The following TMC2 variants were observed in gnomAD, a reference collection of about 807,000 sequenced individuals.
TMC2 encodes the protein transmembrane channel-like protein 2.
Under a neutral mutation model 105.9 loss-of-function variants are expected in TMC2, and 102 were observed. The observed-to-expected ratio is 0.96, with a 90% CI of 0.82 to 1.14. The LOEUF (loss-of-function observed/expected upper bound fraction) is 1.14. Among genes scored for constraint, TMC2 ranks in the 50% most tolerant of loss-of-function variants. The probability of loss-of-function intolerance (pLI) is 0.00; values close to 1 mark genes in which losing one functional copy is unlikely to be tolerated. For missense variants in TMC2, 1,093 were observed against 1,134.3 expected, an observed-to-expected ratio of 0.96 and a Z score of 0.52; for synonymous variants, 402 against 422.8, an observed-to-expected ratio of 0.95 and a Z score of 0.60.
intron 10 of TMC2, among the ~76,000 whole-genome samples, chr20:2,600,779 G>T (rs999189630): frequency 2.7e-5 from 4 of 150,028 alleles, no homozygotes; most frequent in African/African-American, 9.8e-5. Context: ...AGCCGAGATT[G>T]TGCCACTGCA....
chr20:2,619,765 C>T (rs541885304), intron 16 of TMC2, among the ~76,000 whole-genome samples: 1 of 152,294 alleles, frequency 6.6e-6, no homozygotes, highest in East Asian at 1.9e-4. Context: ...TTGGCTTCTT[C>T]CTAAGCAAGG....
intron 3 of TMC2, among the ~76,000 whole-genome samples, chr20:2,560,832 A>C (rs2086021232): frequency 1.0e-5 from 1 of 100,080 alleles, no homozygotes. Flanking sequence ...GCAAGACTCC[A>C]TCTCAAAAAA....
At chr20:2,571,709 C>G (rs1568509288) in intron 4 of TMC2, among the ~76,000 whole-genome samples, 1 of 152,110 alleles carries the variant, frequency 6.6e-6, no homozygotes, top group Non-Finnish European at 1.5e-5. Flanking sequence ...ATTTTAAAAT[C>G]AATAATCTTG....
chr20:2,558,510 C>T lies in TMC2; in HGVS notation c.137C>T (p.Thr46Ile), dbSNP rs1165340874. The T allele has an allele frequency of 6.4e-7, 1 of 1,557,990 alleles. No homozygotes were observed. Among genetic ancestry groups the T allele is most frequent in the Non-Finnish European group, 8.7e-7 (1 of 1,151,016 alleles). Residue 46 changes from threonine to isoleucine, a missense_variant, in exon 3 of 20, where the codon ACC (threonine) becomes ATC (isoleucine). Transcript: ENST00000358864. This position sits in a 1 kb window ranked among gnomAD's most constrained non-coding sequence, Gnocchi z 4.6. ...SSKRALKAEG[T>I]PGRRGAQRSQ... Reference sequence around the variant, plus strand: ...AAGCGGGCTCTCAAAGCCGAGGGGACCCCAGGCAGGCGCGGAGCTCAGCGA... The same window carrying T: ...AAGCGGGCTCTCAAAGCCGAGGGGATCCCAGGCAGGCGCGGAGCTCAGCGA...
intron 16 of TMC2, among the ~76,000 whole-genome samples, chr20:2,623,585 A>G (rs1377021661): frequency 6.6e-6 from 1 of 151,914 alleles, no homozygotes; most frequent in African/African-American, 2.4e-5. Flanking sequence ...CACGTGTCTC[A>G]CCAGTGATAA....
intron 5 of TMC2, among the ~76,000 whole-genome samples, chr20:2,577,190 G>A (rs1201640601): frequency 6.6e-6 from 1 of 152,048 alleles, no homozygotes; most frequent in Non-Finnish European, 1.5e-5. Flanking sequence ...TTACAGGCGT[G>A]AGCAACCGTC....
Position 2,594,819 on chromosome 20 carries a change from C to A in TMC2, c.934-6C>A, listed in dbSNP as rs1213427219. The A allele has an allele frequency of 1.2e-6, 2 of 1,613,560 alleles. No homozygotes were observed. Among genetic ancestry groups the A allele is most frequent in the African/African-American group, 2.7e-5 (2 of 75,000 alleles). On this transcript the variant is annotated splice_polypyrimidine_tract_variant and splice_region_variant and intron_variant, in intron 8 of 19. Transcript: ENST00000358864. The stretch of plus-strand genomic sequence containing the variant: ...ACCCAGAGCATTTGGCTTTGCTGTC[C>A]CCCAGGGCTATATCAAGTACTCTGC...
rs200932960 is a variant in TMC2 at position 2,597,279 on chromosome 20, C to T, written c.1205C>T (p.Ser402Phe). Residue 402 changes from serine (S) to phenylalanine (F), a missense_variant, in exon 10 of 20, where the codon TCC (serine) becomes TTC (phenylalanine). Transcript: ENST00000358864. Reference sequence around the variant, plus strand: ...GAGACAGCTGATAACAAATATGCATCCATCACCACCAGCTTCAAGGTAGTC... The same window carrying T: ...GAGACAGCTGATAACAAATATGCATTCATCACCACCAGCTTCAAGGTAGTC... Reference protein sequence around the residue: ...NSETADNKYASITTSFKESIV... With the variant: ...NSETADNKYAFITTSFKESIV... The T allele has an allele frequency of 6.1e-5, 99 of 1,613,778 alleles. No homozygotes were observed. The highest frequency in any genetic ancestry group is 8.2e-5 in the Non-Finnish European group (97 of 1,179,876).
chr20:2,616,336 A>G lies in TMC2; in HGVS notation c.1940+132A>G. 1 of 729,570 alleles carries G rather than the reference A, an allele frequency of 1.4e-6. No individual in the cohort carries two copies. Among genetic ancestry groups the G allele is most frequent in the Non-Finnish European group, 2.4e-6 (1 of 412,746 alleles). 45.2% of individuals were successfully genotyped at this position (729,570 alleles called of 1,614,324 possible). On this transcript the variant is annotated intron_variant, in intron 15 of 19. Transcript: ENST00000358864. The surrounding 1 kb of genome is among the most constrained non-coding windows in gnomAD (Gnocchi z 4.8). ...GCCTCTCTGAACTCCCCTCTTTCAC[A>G]TGAAAAATCAAGAGCGGGACTAGAT...
At chr20:2,602,341 A>T in intron 11 of TMC2, 40 bp downstream of exon 11, 1 of 1,445,416 alleles carries the variant, frequency 6.9e-7, no homozygotes, top group Non-Finnish European at 9.4e-7. Context: ...GTTGATGGCA[A>T]ATACTGAAAT....
chr20:2,562,443 C>T (rs576240076), intron 4 of TMC2, among the ~76,000 whole-genome samples: 9 of 152,352 alleles, frequency 5.9e-5, no homozygotes, highest in East Asian at 5.8e-4. Context: ...GTGATTTGCA[C>T]GGTGAGTGGG....
At chr20:2,604,397 A>T (rs1372137505) in intron 11 of TMC2, among the ~76,000 whole-genome samples, 1 of 152,198 alleles carries the variant, frequency 6.6e-6, no homozygotes, top group African/African-American at 2.4e-5. Flanking sequence ...GAACAATTTC[A>T]CTATGGGCTT....
At chr20:2,545,270 G>T (rs2122799774) in intron 2 of TMC2, among the ~76,000 whole-genome samples, 1 of 152,246 alleles carries the variant, frequency 6.6e-6, no homozygotes, top group Non-Finnish European at 1.5e-5. Flanking sequence ...GAAAAGAAGT[G>T]TCTTGAGGGG....
chr20:2,635,895 G>T, intron 17 of TMC2, 31 bp from the exon 18 acceptor site: 1 of 1,580,744 alleles, frequency 6.3e-7, no homozygotes, highest in Non-Finnish European at 8.7e-7. Context: ...CAAGATCACG[G>T]GACCATAGGA....
At chr20:2,560,715 T>C (rs954418514) in intron 3 of TMC2, among the ~76,000 whole-genome samples, 9 of 151,976 alleles carry the variant, frequency 5.9e-5, no homozygotes, top group Non-Finnish European at 1.0e-4. Context: ...CGGGTGCCTG[T>C]AGTGCCAGCT....
At chr20:2,559,807 C>T (rs912297566) in intron 3 of TMC2, among the ~76,000 whole-genome samples, 1 of 152,070 alleles carries the variant, frequency 6.6e-6, no homozygotes, top group African/African-American at 2.4e-5. Context: ...AAGGGTGCAT[C>T]GTGCCCTTGG....
intron 17 of TMC2, among the ~76,000 whole-genome samples, chr20:2,631,798 AT>A (rs1250041362): frequency 6.7e-6 from 1 of 150,288 alleles, no homozygotes; most frequent in Non-Finnish European, 1.5e-5. Flanking sequence ...GTAAATTAAT[AT>A]TTTTTCATCA....
intron 4 of TMC2, among the ~76,000 whole-genome samples, chr20:2,565,997 C>T (rs184527176): frequency 4.6e-5 from 7 of 152,188 alleles, no homozygotes; most frequent in Admixed American, 6.5e-5. Context: ...GAGATCATGC[C>T]GCTGCACTCC....
At chr20:2,560,463 A>T (rs545931321) in intron 3 of TMC2, among the ~76,000 whole-genome samples, 1 of 152,272 alleles carries the variant, frequency 6.6e-6, no homozygotes, top group East Asian at 1.9e-4. Flanking sequence ...CTGCCCAGCC[A>T]TAACCCTTCC....
Sources: allele counts gnomAD v4.1 joint callset (sites outside exome capture counted in the v4.1 genomes callset), GRCh38; gene constraint gnomAD v4.1.1; non-coding constraint Gnocchi (gnomAD v3.1); transcripts MANE v1.5; gene names NCBI Gene and HGNC (gene_info 2026-07-23, HGNC 2026-07-21).